The following BANP variants were observed in gnomAD, a reference collection of about 807,000 sequenced individuals.
The protein encoded by BANP is BTG3 associated nuclear protein.
A neutral mutation model predicts 68.1 loss-of-function variants in BANP; 11 were observed. The observed-to-expected ratio is 0.16, with a 90% confidence interval of 0.10 to 0.27. The LOEUF (loss-of-function observed/expected upper bound fraction) is 0.27, where lower values mean the gene tolerates loss of function less well. Ranked by LOEUF, BANP falls within the 10% of genes least tolerant of loss-of-function variation. BANP has a pLI of 1.00. For missense variants in BANP, 504 were observed against 722.7 expected (o/e 0.70, Z 3.47); for synonymous variants, 329 against 303.2 (o/e 1.09, Z -0.88).
intron 11 of BANP, among the ~76,000 whole-genome samples, chr16:88,043,678 G>A (rs547759052): frequency 6.6e-6 from 1 of 152,316 alleles, no homozygotes; most frequent in South Asian, 2.1e-4. Context: ...ACCACAATCA[G>A]GGGCATCTGG....
chr16:88,070,127 T>C (rs1197961507), intron 12 of BANP, among the ~76,000 whole-genome samples: 1 of 152,230 alleles, frequency 6.6e-6, no homozygotes, highest in Non-Finnish European at 1.5e-5. Context: ...ATTAGAGGAA[T>C]ACAGGTGATG....
At chr16:88,067,587 T>C (rs1196326405) in intron 12 of BANP, among the ~76,000 whole-genome samples, 3 of 152,160 alleles carry the variant, frequency 2.0e-5, no homozygotes, top group Non-Finnish European at 2.9e-5. Context: ...AGTCCTTTTT[T>C]TTCCTTGGCA....
chr16:87,954,273 T>C (rs770486806), intron 1 of BANP, among the ~76,000 whole-genome samples: 2 of 152,260 alleles, frequency 1.3e-5, no homozygotes, highest in African/African-American at 2.4e-5. Context: ...GTCTTGTTTC[T>C]TTTTCATAGT....
At chr16:88,038,790 T>C (rs1162565061) in intron 11 of BANP, among the ~76,000 whole-genome samples, 1 of 152,176 alleles carries the variant, frequency 6.6e-6, no homozygotes, top group Non-Finnish European at 1.5e-5. Flanking sequence ...AGACCCTTTC[T>C]GTTCAGGAGA....
intron 11 of BANP, among the ~76,000 whole-genome samples, chr16:88,040,007 G>A (rs1217625665): frequency 6.6e-5 from 10 of 152,228 alleles, no homozygotes; most frequent in South Asian, 2.1e-4. Flanking sequence ...GTTTTTGTCC[G>A]CCTTGTGAAC....
At chr16:87,976,667 A>T (rs2062207935) in intron 2 of BANP, among the ~76,000 whole-genome samples, 1 of 152,096 alleles carries the variant, frequency 6.6e-6, no homozygotes, top group Admixed American at 6.6e-5. Flanking sequence ...AGAAAGTCTG[A>T]TGTCCGTTCA....
intron 11 of BANP, among the ~76,000 whole-genome samples, chr16:88,047,824 A>G (rs999415263): frequency 6.6e-6 from 1 of 152,254 alleles, no homozygotes; most frequent in African/African-American, 2.4e-5. Flanking sequence ...TGTACTTGGC[A>G]GTAATGCACC....
intron 1 of BANP, among the ~76,000 whole-genome samples, chr16:87,967,587 C>T (rs1355543317): frequency 6.7e-6 from 1 of 150,038 alleles, no homozygotes; most frequent in Non-Finnish European, 1.5e-5. Flanking sequence ...TCCCAAGTAG[C>T]TGGGATTACA....
intron 1 of BANP, among the ~76,000 whole-genome samples, chr16:87,958,710 A>C (rs550111300): frequency 6.6e-6 from 1 of 152,280 alleles, no homozygotes; most frequent in African/African-American, 2.4e-5. Context: ...CTCAAGAAAA[A>C]ACAAGCAAAA....
In BANP at chr16:87,951,451, C is replaced by T. The variant is rs1007319812; in HGVS notation, c.-133C>T. 1 of 151,972 alleles carries T rather than the reference C, an allele frequency of 6.6e-6. No homozygotes were observed. The highest frequency in any genetic ancestry group is 1.5e-5 in the Non-Finnish European group (1 of 67,868). 9.4% of individuals were successfully genotyped at this position (151,972 alleles called of 1,614,324 possible). A position where few individuals can be genotyped will look rare whatever the true frequency, so the allele number is the denominator to read the frequency against. ...GCCTGCGCAGAGCGGCGGCTTCTCT[C>T]GCGAGGACGGACGCCATTATCGCAT... On this transcript the variant is annotated 5_prime_UTR_variant, in exon 1 of 14. Coordinates refer to ENST00000682872, the MANE Select transcript of BANP (RefSeq NM_001386991.1).
chr16:87,967,448 G>GT (rs2060244407), intron 1 of BANP, among the ~76,000 whole-genome samples: 1 of 151,414 alleles, frequency 6.6e-6, no homozygotes, highest in South Asian at 2.1e-4. Context: ...TTATTTTATT[G>GT]TTTTTTGGTT....
intron 12 of BANP, 33 bp from the exon 13 acceptor site, chr16:88,072,036 G>C: frequency 6.5e-7 from 1 of 1,546,678 alleles, no homozygotes; most frequent in Non-Finnish European, 8.7e-7. Flanking sequence ...TGTGGGCCAC[G>C]CCGCTGACGG....
Position 88,076,876 on chromosome 16 carries a change from G to T in BANP, c.*215G>T, listed in dbSNP as rs1599220593. ...AGACCCCTTTCGTTTGAGTCCTGCT[G>T]TTGGTGTCGGAGCACGAGGGGAGGC... On this transcript the variant is annotated 3_prime_UTR_variant, in exon 14 of 14. Coordinates refer to ENST00000682872, the MANE Select transcript of BANP (RefSeq NM_001386991.1). The T allele has an allele frequency of 2.4e-5, 13 of 553,190 alleles. No individual in the cohort carries two copies. The East Asian group carries it at 3.9e-4, about 17-fold the overall frequency. The allele number at this position is 553,190 out of a possible 1,614,324, so 34.3% of individuals were successfully genotyped here.
intron 7 of BANP, among the ~76,000 whole-genome samples, chr16:88,023,168 G>A (rs1393390527): frequency 6.6e-6 from 1 of 152,190 alleles, no homozygotes; most frequent in Non-Finnish European, 1.5e-5. Context: ...CTGAGAGCTG[G>A]GAGGAAGGTG....
At chr16:88,044,627 T>G (rs933294021) in intron 11 of BANP, among the ~76,000 whole-genome samples, 3 of 152,232 alleles carry the variant, frequency 2.0e-5, no homozygotes, top group African/African-American at 7.2e-5. Flanking sequence ...AAGTTGTAAT[T>G]GAGTAGCTGG....
At chr16:87,999,988 G>A (rs1485861764) in intron 4 of BANP, among the ~76,000 whole-genome samples, 1 of 88,406 alleles carries the variant, frequency 1.1e-5, no homozygotes, top group African/African-American at 5.2e-5. Context: ...GTGCGCGGCT[G>A]TACTTGCCTG....
Position 87,957,648 on chromosome 16 carries a change from T to G in BANP, c.-69+6133T>G, listed in dbSNP as rs1462509190. On this transcript the variant is annotated intron_variant, in intron 1 of 13. Transcript: ENST00000682872. The surrounding 1 kb of genome is among the most constrained non-coding windows in gnomAD (Gnocchi z 4.3). ...TTGAGATGAAAAGTCATCAAATATCTGGAAGCAAAGCTTAATCTTTCTGAA... is the reference window on the plus strand; with the variant it reads ...TTGAGATGAAAAGTCATCAAATATCGGGAAGCAAAGCTTAATCTTTCTGAA... 6.6e-6 allele frequency among the ~76,000 whole-genome samples: 1 copy of G among 152,260 alleles called. No homozygotes were observed. The highest frequency in any genetic ancestry group is 1.5e-5 in the Non-Finnish European group (1 of 68,042).
intron 1 of BANP, among the ~76,000 whole-genome samples, chr16:87,960,630 C>T (rs547588454): frequency 1.8e-4 from 27 of 152,250 alleles, no homozygotes; most frequent in Non-Finnish European, 2.8e-4. Context: ...GGGTGTGCCC[C>T]GGCCAACTCA....
chr16:87,951,910 G>T (rs116210153), intron 1 of BANP, among the ~76,000 whole-genome samples: 1,594 of 152,284 alleles, frequency 0.01, 27 homozygotes, highest in African/African-American at 0.036. Flanking sequence ...GGGGCCCGAA[G>T]TCTCCCAAGG....
Sources: allele counts gnomAD v4.1 joint callset (sites outside exome capture counted in the v4.1 genomes callset), GRCh38; gene constraint gnomAD v4.1.1; non-coding constraint Gnocchi (gnomAD v3.1); transcripts MANE v1.5; gene names NCBI Gene and HGNC (gene_info 2026-07-23, HGNC 2026-07-21).